The following SERGEF variants were observed in gnomAD, a reference collection of about 807,000 sequenced individuals.
SERGEF encodes secretion-regulating guanine nucleotide exchange factor.
SERGEF carries 51 observed loss-of-function variants against 50.0 expected under a neutral mutation model. That is an observed-to-expected ratio of 1.02 (90% CI 0.81 to 1.29). The LOEUF (loss-of-function observed/expected upper bound fraction) is 1.29. Among genes scored for constraint, SERGEF ranks in the 50% most tolerant of loss-of-function variants. SERGEF has a pLI of 0.00. For missense variants in SERGEF, 521 were observed against 557.0 expected (o/e 0.94, Z 0.65); for synonymous variants, 205 against 212.4 (o/e 0.97, Z 0.30).
chr11:17,872,551 T>C (rs942577123), intron 10 of SERGEF, among the ~76,000 whole-genome samples: 4 of 152,156 alleles, frequency 2.6e-5, no homozygotes, highest in Non-Finnish European at 5.9e-5. Context: ...AAGTGAAAAA[T>C]GGCATAGCCC....
intron 3 of SERGEF, among the ~76,000 whole-genome samples, chr11:18,005,839 T>TA (rs1201079705): frequency 3.4e-4 from 51 of 150,806 alleles, no homozygotes; most frequent in East Asian, 1.6e-3. Context: ...CTAACACATT[T>TA]AGAAAAAAAA....
intron 10 of SERGEF, among the ~76,000 whole-genome samples, chr11:17,838,650 G>A (rs1850448830): frequency 6.6e-6 from 1 of 152,128 alleles, no homozygotes; most frequent in African/African-American, 2.4e-5. Flanking sequence ...TTAGCACTCT[G>A]AATTTCAGGA....
At chr11:18,012,689 C>A (rs1174022703) in intron 1 of SERGEF, 1 of 1,154,032 alleles carries the variant, frequency 8.7e-7, no homozygotes, top group Non-Finnish European at 1.1e-6. Context: ...TGCCCCGAGG[C>A]AGGTTCTTCC....
At chr11:17,883,114 C>A (rs560199925) in intron 9 of SERGEF, among the ~76,000 whole-genome samples, 40 of 152,286 alleles carry the variant, frequency 2.6e-4, no homozygotes, top group Non-Finnish European at 4.3e-4. Flanking sequence ...CTGCAAAAAA[C>A]AAATTCCGAA....
Position 17,991,956 on chromosome 11 carries a change from T to C in SERGEF, c.685+975A>G, listed in dbSNP as rs1055666409. ...AGAGGTCTTACCAAACAAAATATTA[T>C]AAATCTCTCAGATGTATAGTCTCCA... On this transcript the variant is annotated intron_variant, in intron 7 of 10. Transcript: ENST00000265965. This position sits in a 1 kb window ranked among gnomAD's most constrained non-coding sequence, Gnocchi z 4.9. Among the ~76,000 whole-genome samples the C allele has an allele frequency of 3.9e-5, 6 of 152,302 alleles. No individual in the cohort carries two copies. Among genetic ancestry groups the C allele is most frequent in the African/African-American group, 1.4e-4 (6 of 41,564 alleles).
chr11:17,841,371 C>T (rs571715928), intron 10 of SERGEF, among the ~76,000 whole-genome samples: 1 of 152,184 alleles, frequency 6.6e-6, no homozygotes, highest in African/African-American at 2.4e-5. Context: ...ACTTATGCAC[C>T]CAGAAACCTG....
At position 17,942,240 on chromosome 11, in the gene SERGEF, T is replaced by A. The variant is rs566201189; in HGVS notation, c.1011+17230A>T. On this transcript the variant is annotated intron_variant, in intron 9 of 10. Coordinates refer to ENST00000265965, the MANE Select transcript of SERGEF (RefSeq NM_012139.4). ...TAACAACATTGAGTTTTCCAATCTG[T>A]GAGTGTGATATCTCTCTCCAATTAA... is the stretch of plus-strand genomic sequence containing the variant. 8.5e-5 allele frequency among the ~76,000 whole-genome samples: 13 copies of A among 152,308 alleles called. No homozygotes were observed. In the East Asian group the frequency reaches 2.5e-3, roughly 29 times the overall value.
At chr11:17,998,440 CATATATATAT>C (rs60861006) in intron 5 of SERGEF, among the ~76,000 whole-genome samples, 3,470 of 33,214 alleles carry the variant, frequency 0.1, 114 homozygotes, top group African/African-American at 0.15. Context: ...TACATACATA[CATATATATAT>C]ATATATATAT....
At chr11:17,827,137 T>G (rs1850211004) in intron 10 of SERGEF, among the ~76,000 whole-genome samples, 1 of 152,254 alleles carries the variant, frequency 6.6e-6, no homozygotes, top group Admixed American at 6.5e-5. Flanking sequence ...TCCATCTTCT[T>G]GAAGGCTCCC....
At chr11:17,987,350 C>T (rs1853622656) in intron 8 of SERGEF, among the ~76,000 whole-genome samples, 1 of 152,184 alleles carries the variant, frequency 6.6e-6, no homozygotes, top group Non-Finnish European at 1.5e-5. Context: ...AATCTGGTGG[C>T]TTCCTTCACA....
chr11:17,793,898 G>A (rs2133819636), intron 10 of SERGEF, among the ~76,000 whole-genome samples: 1 of 152,374 alleles, frequency 6.6e-6, no homozygotes, highest in African/African-American at 2.4e-5. Context: ...GAGCCCTGCA[G>A]GCAACGGAAC....
At chr11:17,902,794 T>C (rs11024427) in intron 9 of SERGEF, among the ~76,000 whole-genome samples, 11,396 of 152,024 alleles carry the variant, frequency 0.075, 516 homozygotes, top group African/African-American at 0.12. Context: ...AGGACTAGAG[T>C]TGCCAACATG....
intron 9 of SERGEF, among the ~76,000 whole-genome samples, chr11:17,925,898 T>A (rs1223780960): frequency 6.6e-6 from 1 of 152,142 alleles, no homozygotes; most frequent in African/African-American, 2.4e-5. Context: ...ATATGTAACA[T>A]CTTGAGCCTC....
At chr11:17,828,154 C>T (rs529963604) in intron 10 of SERGEF, among the ~76,000 whole-genome samples, 1 of 152,200 alleles carries the variant, frequency 6.6e-6, no homozygotes, top group Non-Finnish European at 1.5e-5. Context: ...ACTCTCAAAA[C>T]GTGTCTGTAT....
chr11:17,889,046 G>C (rs1450555766), intron 9 of SERGEF, among the ~76,000 whole-genome samples: 2 of 152,202 alleles, frequency 1.3e-5, no homozygotes, highest in Admixed American at 6.5e-5. Context: ...GCAATAGATA[G>C]ATAGGGAAGC....
intron 10 of SERGEF, chr11:17,846,537 A>T: frequency 2.8e-6 from 1 of 362,360 alleles, no homozygotes; most frequent in Non-Finnish European, 5.5e-6. Context: ...TTTTCTCTGA[A>T]GTATTGAACA....
chr11:17,919,015 A>G (rs1745148804), intron 9 of SERGEF, among the ~76,000 whole-genome samples: 1 of 152,240 alleles, frequency 6.6e-6, no homozygotes, highest in African/African-American at 2.4e-5. Context: ...CTTTGTACAT[A>G]TATAGAGAGC....
Position 17,825,438 on chromosome 11 carries a change from G to C in SERGEF, c.1049-37025C>G, listed in dbSNP as rs562296468. 1.2e-3 allele frequency among the ~76,000 whole-genome samples: 184 copies of C among 152,236 alleles called. 1 individual carries two copies. Among genetic ancestry groups the C allele is most frequent in the African/African-American group, 4.1e-3 (172 of 41,550 alleles). ...AGCAAGAGAGCGTGACTTGGTTCTT[G>C]TTTTCTGAAAGGAAAATGAATCCCA... On this transcript the variant is annotated intron_variant, in intron 10 of 10. Transcript: ENST00000265965.
At chr11:17,957,420 G>A (rs376950846) in intron 9 of SERGEF, among the ~76,000 whole-genome samples, 5 of 152,116 alleles carry the variant, frequency 3.3e-5, no homozygotes, top group East Asian at 3.9e-4. Context: ...CTAGAGACTC[G>A]GAAAAATCTA....
Sources: gnomAD v4.1 joint callset for allele counts (sites outside exome capture counted in the v4.1 genomes callset) on GRCh38, gnomAD v4.1.1 for gene constraint, Gnocchi (gnomAD v3.1) non-coding constraint, MANE v1.5 for transcripts, NCBI Gene and HGNC (gene_info 2026-07-23, HGNC 2026-07-21) for gene names.